The following EZH2 variants were observed in gnomAD, a reference collection of about 807,000 sequenced individuals.
EZH2 encodes enhancer of zeste 2 polycomb repressive complex 2 subunit.
A neutral mutation model predicts 98.4 loss-of-function variants in EZH2; 18 were observed. That is an observed-to-expected ratio of 0.18 (90% CI 0.13 to 0.27). The LOEUF (loss-of-function observed/expected upper bound fraction) is 0.27, where lower values mean the gene tolerates loss of function less well. EZH2 is among the 10% of genes least tolerant of loss of function. EZH2 has a pLI of 1.00. For missense variants in EZH2, 470 were observed against 935.1 expected (o/e 0.50, Z 6.49); for synonymous variants, 338 against 312.3 (o/e 1.08, Z -0.87).
At chr7:148,828,573 C>A (rs1301439585) in intron 6 of EZH2, among the ~76,000 whole-genome samples, 167 bp downstream of exon 6, 1 of 152,080 alleles carries the variant, frequency 6.6e-6, no homozygotes, top group Non-Finnish European at 1.5e-5. Flanking sequence ...ACAGAGTTAG[C>A]CACCCTACCT....
intron 8 of EZH2, among the ~76,000 whole-genome samples, chr7:148,825,308 C>G (rs1263749702): frequency 6.6e-6 from 1 of 152,186 alleles, no homozygotes; most frequent in Non-Finnish European, 1.5e-5. Flanking sequence ...GGATGACTTA[C>G]TACGAATTTT....
In EZH2 at chr7:148,826,618, G is replaced by T; in HGVS notation, c.743C>A (p.Thr248Asn). Reference sequence around the variant, plus strand: ...AAGTGCGCCTGGGAGCTGCTGTTCGGTGAGTTCTTTATATCTGACATTAAC... The same window carrying T: ...AAGTGCGCCTGGGAGCTGCTGTTCGTTGAGTTCTTTATATCTGACATTAAC... ...EELKEKYKEL[T>N]EQQLPGALPP... The change falls in exon 8 of 20, where the codon ACC (threonine) becomes AAC (asparagine). Residue 248 changes from threonine to asparagine, a missense_variant. By Grantham distance (65) the Thr-to-Asn change is moderately conservative (BLOSUM62 0). Coordinates refer to ENST00000320356, the MANE Select transcript of EZH2 (RefSeq NM_004456.5). The T allele has an allele frequency of 6.5e-7, 1 of 1,536,482 alleles. No individual in the cohort carries two copies. The highest frequency in any genetic ancestry group is 8.8e-7 in the Non-Finnish European group (1 of 1,139,270).
intron 1 of EZH2, among the ~76,000 whole-genome samples, chr7:148,880,032 C>T (rs1820745919): frequency 6.6e-6 from 1 of 152,150 alleles, no homozygotes; most frequent in South Asian, 2.1e-4. Context: ...TCCCTTGAGC[C>T]CAGGAGTTTA....
At chr7:148,850,296 G>A (rs1165303011) in intron 1 of EZH2, among the ~76,000 whole-genome samples, 2 of 152,180 alleles carry the variant, frequency 1.3e-5, no homozygotes, top group East Asian at 1.9e-4. Context: ...GGGATTACAG[G>A]TGTGAGCCAC....
chr7:148,836,244 A>T (rs1319573865), intron 3 of EZH2, among the ~76,000 whole-genome samples: 5 of 152,228 alleles, frequency 3.3e-5, no homozygotes, highest in Non-Finnish European at 7.4e-5. Context: ...TTCTGTTTCA[A>T]GCTAAGAGAG....
At chr7:148,850,080 G>A (rs1585182334) in intron 1 of EZH2, among the ~76,000 whole-genome samples, 2 of 152,024 alleles carry the variant, frequency 1.3e-5, no homozygotes. Context: ...GTGCGGTGGT[G>A]CAATCTCCGC....
At chr7:148,811,311 C>T (rs752807189) in intron 16 of EZH2, among the ~76,000 whole-genome samples, 11 of 152,110 alleles carry the variant, frequency 7.2e-5, no homozygotes, top group Non-Finnish European at 1.3e-4. Context: ...CCACCACGCC[C>T]GGCTAATTTT....
intron 1 of EZH2, among the ~76,000 whole-genome samples, chr7:148,876,964 G>A (rs1420216909): frequency 1.3e-5 from 2 of 152,046 alleles, no homozygotes; most frequent in African/African-American, 4.8e-5. Context: ...CTAACTAGTT[G>A]TTACTTAATC....
In EZH2 at chr7:148,807,639, G is replaced by A. The variant is rs745948888; in HGVS notation, c.*7C>T. On this transcript the variant is annotated 3_prime_UTR_variant, in exon 20 of 20. Coordinates refer to ENST00000320356, the MANE Select transcript of EZH2 (RefSeq NM_004456.5). ...GTTTCAGAGGAGGGGGGAGGAGGTAGCAGATGTCAAGGGATTTCCATTTCT... is the reference window on the plus strand; with the variant it reads ...GTTTCAGAGGAGGGGGGAGGAGGTAACAGATGTCAAGGGATTTCCATTTCT... The A allele has an allele frequency of 8.8e-6, 14 of 1,592,364 alleles. No individual in the cohort carries two copies. The highest frequency in any genetic ancestry group is 1.2e-5 in the Non-Finnish European group (14 of 1,168,320).
chr7:148,857,117 A>G (rs924646134), intron 1 of EZH2, among the ~76,000 whole-genome samples: 2 of 152,270 alleles, frequency 1.3e-5, no homozygotes, highest in African/African-American at 2.4e-5. Flanking sequence ...ACCTCAACCC[A>G]TAACTTCAGC....
chr7:148,854,007 C>A (rs1816342241), intron 1 of EZH2, among the ~76,000 whole-genome samples: 1 of 152,230 alleles, frequency 6.6e-6, no homozygotes, highest in African/African-American at 2.4e-5. Flanking sequence ...GGAATCAGCA[C>A]TGTTCTCTAC....
chr7:148,868,078 A>G (rs943267526), intron 1 of EZH2, among the ~76,000 whole-genome samples: 39 of 152,284 alleles, frequency 2.6e-4, no homozygotes, highest in African/African-American at 8.7e-4. Flanking sequence ...AGGAAGTTCC[A>G]AACATTCCCT....
chr7:148,877,583 C>T (rs1470573252), intron 1 of EZH2, among the ~76,000 whole-genome samples: 1 of 152,144 alleles, frequency 6.6e-6, no homozygotes, highest in African/African-American at 2.4e-5. Context: ...GATAGGGATG[C>T]TAAGACATCA....
rs956687476 is a variant in EZH2 at position 148,807,386 on chromosome 7, A to T, written c.*260T>A. 6 of 472,194 alleles carry T rather than the reference A, an allele frequency of 1.3e-5. No individual in the cohort carries two copies. In the East Asian group the frequency reaches 2.0e-4, roughly 16 times the overall value. The allele number at this position is 472,194 out of a possible 1,614,324, so 29.3% of individuals were successfully genotyped here. A position where few individuals can be genotyped will look rare whatever the true frequency, so the allele number is the denominator to read the frequency against. On this transcript the variant is annotated 3_prime_UTR_variant, in exon 20 of 20. Transcript: ENST00000320356. Reference sequence around the variant, plus strand: ...TTATGAGAGATGATTCAACAAGGACAAGTTCAAGTATTCTTTATTCAAAGT... The same window carrying T: ...TTATGAGAGATGATTCAACAAGGACTAGTTCAAGTATTCTTTATTCAAAGT...
At chr7:148,839,522 C>A (rs1366430773) in intron 3 of EZH2, among the ~76,000 whole-genome samples, 5 of 135,142 alleles carry the variant, frequency 3.7e-5, no homozygotes, top group Non-Finnish European at 6.5e-5. Context: ...GAAATAACAT[C>A]AAAATGGGGG....
At chr7:148,819,851 A>G (rs1266326250) in intron 8 of EZH2, among the ~76,000 whole-genome samples, 164 bp from the exon 9 acceptor site, 2 of 152,222 alleles carry the variant, frequency 1.3e-5, no homozygotes, top group Non-Finnish European at 2.9e-5. Context: ...AATGATCACA[A>G]CGTATTCTCC....
intron 18 of EZH2, 33 bp downstream of exon 18, chr7:148,809,276 AG>A: frequency 6.3e-7 from 1 of 1,591,248 alleles, no homozygotes; most frequent in Non-Finnish European, 8.6e-7. Flanking sequence ...AGGACTGAAA[AG>A]GGAGTTCCAA....
intron 1 of EZH2, among the ~76,000 whole-genome samples, chr7:148,848,367 A>G (rs1814759865): frequency 6.6e-6 from 1 of 152,244 alleles, no homozygotes; most frequent in Non-Finnish European, 1.5e-5. Flanking sequence ...CGTGAATTCA[A>G]GAGTTGCTTA....
intron 3 of EZH2, among the ~76,000 whole-genome samples, chr7:148,836,071 G>A (rs1447299823): frequency 6.6e-6 from 1 of 152,166 alleles, no homozygotes; most frequent in Admixed American, 6.5e-5. Flanking sequence ...TAAGAGACAA[G>A]AAATAAGCTC....
Sources: gnomAD v4.1 joint callset for allele counts (sites outside exome capture counted in the v4.1 genomes callset) on GRCh38, gnomAD v4.1.1 for gene constraint, MANE v1.5 for transcripts, NCBI Gene and HGNC (gene_info 2026-07-23, HGNC 2026-07-21) for gene names.